The following COL3A1 variants were observed in gnomAD, a reference collection of about 807,000 sequenced individuals.
COL3A1 encodes collagen alpha-1(III) chain.
Under a neutral mutation model 200.9 loss-of-function variants are expected in COL3A1, and 46 were observed. The observed-to-expected ratio is 0.23, with a 90% CI of 0.18 to 0.29. The LOEUF (loss-of-function observed/expected upper bound fraction) is 0.29, where lower values mean the gene tolerates loss of function less well. COL3A1 is among the 10% of genes least tolerant of loss of function. COL3A1 has a pLI of 1.00. For synonymous variants in COL3A1, 650 were observed against 628.0 expected (o/e 1.03, Z -0.52); for missense variants, 1,367 against 1,917.6 (o/e 0.71, Z 5.36).
chr2:189,007,785 T>A, intron 45 of COL3A1, 100 bp from the exon 46 acceptor site: 2 of 1,472,274 alleles, frequency 1.4e-6, no homozygotes, highest in East Asian at 2.3e-5. Context: ...AGAAAAAAAA[T>A]TTCATCATGA....
intron 31 of COL3A1, 101 bp from the exon 32 acceptor site, chr2:188,999,741 A>C: frequency 1.5e-6 from 2 of 1,374,222 alleles, no homozygotes; most frequent in Non-Finnish European, 2.0e-6. Flanking sequence ...GAATTAGAAC[A>C]CCCAATATAT....
intron 1 of COL3A1, among the ~76,000 whole-genome samples, chr2:188,982,934 A>C (rs2153501144): frequency 6.6e-6 from 1 of 150,376 alleles, no homozygotes; most frequent in Admixed American, 6.7e-5. Context: ...TCTAGAGAAC[A>C]AAATGAGTTT....
rs373908002 is a variant in COL3A1, at chr2:188,993,381, G to A, written c.1071G>A (p.Gly357=). The A allele has an allele frequency of 1.3e-6, 2 of 1,570,664 alleles. No homozygotes were observed. The highest frequency in any genetic ancestry group is 1.4e-5 in the African/African-American group (1 of 73,938). Reference sequence around the variant, plus strand: ...ATTAGGGTGAAGTTGGACCTGCAGGGTCTCCTGGTTCAAATGGTGCCCCTG... The same window carrying A: ...ATTAGGGTGAAGTTGGACCTGCAGGATCTCCTGGTTCAAATGGTGCCCCTG... ...PGAKGEVGPA[G]SPGSNGAPGQ... The change falls in exon 16 of 51, where the codon GGG becomes GGA. Residue 357 remains glycine (G), a synonymous_variant. Coordinates refer to ENST00000304636, the MANE Select transcript of COL3A1 (RefSeq NM_000090.4).
Position 188,995,786 on chromosome 2 carries a change from T to C in COL3A1, c.1604T>C (p.Met535Thr). Residue 535 changes from methionine to threonine, a missense_variant, in exon 22 of 51, where the codon ATG becomes ACG. Physicochemically the swap from Met to Thr is moderately conservative, Grantham distance 81 (BLOSUM62 -1). Transcript: ENST00000304636. ...GRDGVPGGPGMRGMPGSPGGP... is the reference protein window; with the variant it reads ...GRDGVPGGPGTRGMPGSPGGP... ...GATGGCGTCCCTGGAGGTCCAGGAA[T>C]GAGGGTACAGAGAAACATTTGTTTG... 1.9e-6 allele frequency: 3 copies of C among 1,558,116 alleles called. No homozygotes were observed. Among genetic ancestry groups the C allele is most frequent in the Non-Finnish European group, 2.6e-6 (3 of 1,150,094 alleles).
intron 10 of COL3A1, 59 bp downstream of exon 10, chr2:188,990,419 A>G (rs1688163054): frequency 2.2e-6 from 3 of 1,377,546 alleles, no homozygotes; most frequent in Non-Finnish European, 2.1e-6. Flanking sequence ...TTACTTGCCT[A>G]ACCAATTTTA....
rs372206736 is a variant in COL3A1 at position 188,991,716 on chromosome 2, G to A, written c.945G>A (p.Gly315=). ...PGERGRPGLP[G]AAGARGNDGA... ...AGCGAGGACGGCCAGGACTTCCTGG[G>A]GCTGCAGTGAGTATAGCTGCTAACA... Residue 315 remains glycine, a synonymous_variant, in exon 13 of 51, where the codon GGG becomes GGA. Coordinates refer to ENST00000304636, the MANE Select transcript of COL3A1 (RefSeq NM_000090.4). 2.5e-6 allele frequency: 4 copies of A among 1,613,826 alleles called. No homozygotes were observed. The highest frequency in any genetic ancestry group is 4.5e-5 in the East Asian group (2 of 44,868).
At chr2:188,983,847 T>G (rs1688007411) in intron 1 of COL3A1, among the ~76,000 whole-genome samples, 1 of 151,990 alleles carries the variant, frequency 6.6e-6, no homozygotes, top group South Asian at 2.1e-4. Flanking sequence ...TGTCAAGAAC[T>G]AAAGTTGTAT....
rs778597165 is a variant in COL3A1, at chr2:188,994,744, T to A, written c.1368T>A (p.Gly456=). 6.2e-7 allele frequency: 1 copy of A among 1,613,656 alleles called. No homozygotes were observed. The highest frequency in any genetic ancestry group is 8.5e-7 in the Non-Finnish European group (1 of 1,179,914). Residue 456 remains glycine, a synonymous_variant, in exon 20 of 51, where the codon GGT becomes GGA. Coordinates refer to ENST00000304636, the MANE Select transcript of COL3A1 (RefSeq NM_000090.4). This position sits in a 1 kb window ranked among gnomAD's most constrained non-coding sequence, Gnocchi z 4.5. The part of the protein sequence containing the change: ...RGERGEAGIP[G]VPGAKGEDGK... ...TTCAGGGTGAGGCTGGTATTCCAGG[T>A]GTTCCAGGAGCTAAAGGCGAAGATG...
At position 188,974,529 on chromosome 2, in the gene COL3A1, G is replaced by T. The variant is rs547373542; in HGVS notation, c.40G>T (p.Ala14Ser). The T allele has an allele frequency of 5.0e-6, 8 of 1,614,022 alleles. No homozygotes were observed. The African/African-American group carries it at 5.3e-5, about 11-fold the overall frequency. ...GCAAAAGGGGAGCTGGCTACTTCTC[G>T]CTCTGCTTCATCCCACTATTATTTT... ...FVQKGSWLLLALLHPTIILAQ... is the reference protein window; with the variant it reads ...FVQKGSWLLLSLLHPTIILAQ... The change falls in exon 1 of 51, where the codon GCT becomes TCT. Residue 14 changes from alanine (A) to serine (S), a missense_variant. By Grantham distance (99) the Ala-to-Ser change is moderately conservative. Around this residue, in one of 5 missense-constraint regions of COL3A1, gnomAD observed 55 missense variants for 51.5 expected, o/e 1.07. Transcript: ENST00000304636.
intron 35 of COL3A1, 61 bp downstream of exon 35, chr2:189,002,412 A>T (rs1688488401): frequency 6.7e-7 from 1 of 1,495,672 alleles, no homozygotes; most frequent in African/African-American, 1.4e-5. Context: ...TTGCTGAAAA[A>T]TTACAAAAGT....
intron 10 of COL3A1, 126 bp downstream of exon 10, chr2:188,990,486 T>G: frequency 1.2e-6 from 1 of 851,956 alleles, no homozygotes; most frequent in Non-Finnish European, 1.9e-6. Context: ...TTGATATTTT[T>G]AAGTCTACTA....
Position 189,010,900 on chromosome 2 carries a change from A to G in COL3A1, c.4254+10A>G, listed in dbSNP as rs1045801346. On this transcript the variant is annotated intron_variant, in intron 50 of 50. Coordinates refer to ENST00000304636, the MANE Select transcript of COL3A1 (RefSeq NM_000090.4). ...GGAGGATGGTTGCACGGTAGGAAAC[A>G]TTTTTCTCAATATAGGTCATAAAGC... The G allele has an allele frequency of 1.9e-6, 3 of 1,613,894 alleles. No individual in the cohort carries two copies. The highest frequency in any genetic ancestry group is 2.5e-6 in the Non-Finnish European group (3 of 1,179,928).
intron 50 of COL3A1, among the ~76,000 whole-genome samples, chr2:189,011,405 C>G (rs1688721195): frequency 6.6e-6 from 1 of 152,172 alleles, no homozygotes. Context: ...AGCAATTGCC[C>G]TGCTGCATTT....
intron 1 of COL3A1, among the ~76,000 whole-genome samples, chr2:188,983,744 A>C (rs1688003657): frequency 6.6e-6 from 1 of 151,966 alleles, no homozygotes; most frequent in Non-Finnish European, 1.5e-5. Context: ...TAAATTACTG[A>C]ACAGTACATC....
chr2:188,993,709 AAT>A (rs1363467221), intron 16 of COL3A1, among the ~76,000 whole-genome samples: 1 of 152,194 alleles, frequency 6.6e-6, no homozygotes, highest in Non-Finnish European at 1.5e-5. Context: ...TATATAAAAG[AAT>A]AGAGGATAGA....
chr2:189,007,170 G>C, intron 44 of COL3A1, among the ~76,000 whole-genome samples, 180 bp downstream of exon 44: 1 of 31,300 alleles, frequency 3.2e-5, no homozygotes. Flanking sequence ...ATGATAGATA[G>C]ATAGATAGAT....
Position 188,994,253 on chromosome 2 carries a change from G to C in COL3A1, c.1214G>C (p.Gly405Ala). 1 of 1,614,060 alleles carries C rather than the reference G, an allele frequency of 6.2e-7. No homozygotes were observed. Among genetic ancestry groups the C allele is most frequent in the Non-Finnish European group, 8.5e-7 (1 of 1,179,964 alleles). The change falls in exon 18 of 51, where the codon GGA becomes GCA. Residue 405 changes from glycine (G) to alanine (A), a missense_variant. Physicochemically the swap from Gly to Ala is moderately conservative, Grantham distance 60. Around this residue, in one of 5 missense-constraint regions of COL3A1, gnomAD observed 462 missense variants for 681.4 expected, o/e 0.68. Coordinates refer to ENST00000304636, the MANE Select transcript of COL3A1 (RefSeq NM_000090.4). The surrounding 1 kb of genome is among the most constrained non-coding windows in gnomAD (Gnocchi z 4.5). ...TCTTAGGGTCCCGCTGGCATTCCTG[G>C]AGCTCCTGGACTGATGGGAGCCCGG... ...KGEMGPAGIP[G>A]APGLMGARGP...
chr2:188,999,815 C>A, intron 31 of COL3A1, 27 bp from the exon 32 acceptor site: 2 of 1,585,512 alleles, frequency 1.3e-6, no homozygotes, highest in Non-Finnish European at 1.7e-6. Flanking sequence ...TACTTTGAAT[C>A]TGATGACATT....
chr2:188,974,454 T>C lies in COL3A1; in HGVS notation c.-36T>C, dbSNP rs1454275412. The C allele has an allele frequency of 6.4e-7, 1 of 1,559,052 alleles. No individual in the cohort carries two copies. The highest frequency in any genetic ancestry group is 8.8e-7 in the Non-Finnish European group (1 of 1,130,818). On this transcript the variant is annotated 5_prime_UTR_variant, in exon 1 of 51. Coordinates refer to ENST00000304636, the MANE Select transcript of COL3A1 (RefSeq NM_000090.4). ...ACTTTGAACTGCTTTTCTTTTCTCC[T>C]TTTTGCACAAAGAGTCTCATGTCTG... is the stretch of plus-strand genomic sequence containing the variant.
Sources: gnomAD v4.1 joint callset for allele counts (sites outside exome capture counted in the v4.1 genomes callset) on GRCh38, gnomAD v4.1.1 for gene constraint, gnomAD v4.1.1 regional missense constraint, Gnocchi (gnomAD v3.1) non-coding constraint, MANE v1.5 for transcripts, NCBI Gene and HGNC (gene_info 2026-07-23, HGNC 2026-07-21) for gene names.